Variants in ABI3BP observed in about 807,000 individuals in gnomAD.
ABI3BP encodes ABI family member 3 binding protein, also known as target of Nesh-SH3.
A neutral mutation model predicts 268.6 loss-of-function variants in ABI3BP; 216 were observed. The observed-to-expected ratio is 0.80, with a 90% CI of 0.72 to 0.90. The LOEUF (loss-of-function observed/expected upper bound fraction) is 0.90, where lower values mean the gene tolerates loss of function less well. Among genes scored for constraint, ABI3BP ranks in the 40% least tolerant of loss-of-function variants. ABI3BP has a pLI of 0.00. For missense variants in ABI3BP, 2,090 were observed against 2,182.4 expected, an observed-to-expected ratio of 0.96 and a Z score of 0.84; for synonymous variants, 730 against 730.0, an observed-to-expected ratio of 1.00 and a Z score of 0.00.
chr3:100,942,193 C>T (rs886316852), intron 1 of ABI3BP, among the ~76,000 whole-genome samples: 1 of 152,008 alleles, frequency 6.6e-6, no homozygotes, highest in Non-Finnish European at 1.5e-5. Context: ...CATTCTAGTA[C>T]ATTGGGTAGA....
chr3:100,884,860 G>A (rs1300645926), intron 6 of ABI3BP, among the ~76,000 whole-genome samples: 1 of 152,104 alleles, frequency 6.6e-6, no homozygotes, highest in African/African-American at 2.4e-5. Context: ...CTGGGTATGA[G>A]ATTTGAAATG....
chr3:100,764,053 C>T (rs1033382131), intron 63 of ABI3BP, among the ~76,000 whole-genome samples: 3 of 152,114 alleles, frequency 2.0e-5, no homozygotes, highest in African/African-American at 4.8e-5. Context: ...ATCCACTTAC[C>T]GTTACTCATG....
At chr3:100,777,776 G>A (rs2096749332) in intron 59 of ABI3BP, among the ~76,000 whole-genome samples, 1 of 152,212 alleles carries the variant, frequency 6.6e-6, no homozygotes, top group Admixed American at 6.5e-5. Flanking sequence ...ACATACTCCT[G>A]TACTGTTGCA....
In ABI3BP at chr3:100,868,193, A is replaced by G. The variant is rs1211878825; in HGVS notation, c.911-1237T>C. Reference sequence around the variant, plus strand: ...GGCTATACAGAACTTAGATTTCCCAACTTTGGCACTATTGATATTTGAGGC... The same window carrying G: ...GGCTATACAGAACTTAGATTTCCCAGCTTTGGCACTATTGATATTTGAGGC... On this transcript the variant is annotated intron_variant, in intron 9 of 67. Coordinates refer to ENST00000471714, the MANE Select transcript of ABI3BP (RefSeq NM_001375547.2). Among the ~76,000 whole-genome samples the G allele has an allele frequency of 3.9e-5, 6 of 152,248 alleles. No individual in the cohort carries two copies. The South Asian group carries it at 8.3e-4, about 21-fold the overall frequency.
intron 2 of ABI3BP, among the ~76,000 whole-genome samples, chr3:100,917,570 T>A (rs965941106): frequency 6.6e-6 from 1 of 152,190 alleles, no homozygotes; most frequent in Admixed American, 6.5e-5. Flanking sequence ...ACTTTTGCAA[T>A]GAACCTGGGA....
chr3:100,954,714 C>T (rs1425037290), intron 1 of ABI3BP, among the ~76,000 whole-genome samples: 1 of 152,114 alleles, frequency 6.6e-6, no homozygotes, highest in African/African-American at 2.4e-5. Flanking sequence ...GGTAGATAAT[C>T]TTAGTGTGAA....
rs58342344 is a variant in ABI3BP, at chr3:100,894,938, C to CAAAAAAAAAA, written c.461+3814_461+3823dup. ...TGGGCGACAGAGCGGGATTCCGCTT[C>CAAAAAAAAAA]AAAAAAAAAAAAAAAAAAAAAAAAA... On this transcript the variant is annotated intron_variant, in intron 4 of 67. Transcript: ENST00000471714. 1.9e-3 allele frequency among the ~76,000 whole-genome samples: 72 copies of CAAAAAAAAAA among 37,716 alleles called. 8 individuals carry two copies. Among genetic ancestry groups the CAAAAAAAAAA allele is most frequent in the South Asian group, 4.1e-3 (2 of 486 alleles). The allele number at this position is 37,716 out of a possible 152,430, so 24.7% of individuals were successfully genotyped here.
At chr3:100,755,809 A>G (rs1488102742) in intron 63 of ABI3BP, among the ~76,000 whole-genome samples, 1 of 152,236 alleles carries the variant, frequency 6.6e-6, no homozygotes, top group Admixed American at 6.5e-5. Flanking sequence ...TCAGCTAATA[A>G]TATTTTGAGA....
intron 1 of ABI3BP, among the ~76,000 whole-genome samples, chr3:100,959,444 C>T (rs1050823255): frequency 9.4e-5 from 13 of 138,418 alleles, no homozygotes; most frequent in Admixed American, 3.8e-4. Flanking sequence ...GAGCCGAGAT[C>T]GCGCCACTGC....
rs527272225 is a variant in ABI3BP at position 100,859,836 on chromosome 3, C to T, written c.1285+2475G>A. Among the ~76,000 whole-genome samples, 13 of 152,204 alleles carry T rather than the reference C, an allele frequency of 8.5e-5. 1 individual carries two copies. The South Asian group carries it at 2.5e-3, about 29-fold the overall frequency. ...CTATGGTGCTATAACCAACTACACC[C>T]GATGATTCTTACTGGTACCATGTAA... On this transcript the variant is annotated intron_variant, in intron 14 of 67. Coordinates refer to ENST00000471714, the MANE Select transcript of ABI3BP (RefSeq NM_001375547.2).
chr3:100,836,650 C>A (rs1421280301), intron 27 of ABI3BP, among the ~76,000 whole-genome samples: 2 of 152,142 alleles, frequency 1.3e-5, no homozygotes, highest in African/African-American at 2.4e-5. Context: ...ATGAATTTAG[C>A]AACAGAAAGA....
intron 50 of ABI3BP, among the ~76,000 whole-genome samples, chr3:100,806,913 C>T (rs1384415697): frequency 1.3e-5 from 2 of 152,074 alleles, no homozygotes; most frequent in Non-Finnish European, 2.9e-5. Context: ...TACTATACCG[C>T]ATTTTAGTAA....
chr3:100,830,102 CATACATACATATATATATAT>C (rs1202179749), intron 32 of ABI3BP, among the ~76,000 whole-genome samples: 6 of 56,218 alleles, frequency 1.1e-4, no homozygotes, highest in African/African-American at 5.0e-4. Flanking sequence ...TACATACATA[CATACATACATATATATATAT>C]ATATATATAT....
intron 57 of ABI3BP, 121 bp from the exon 58 acceptor site, chr3:100,780,330 C>T: frequency 3.4e-6 from 3 of 871,562 alleles, no homozygotes; most frequent in Non-Finnish European, 5.3e-6. Flanking sequence ...GTTTTTATGC[C>T]AAGACATTTT....
At chr3:100,795,642 C>T (rs2097323952) in intron 53 of ABI3BP, among the ~76,000 whole-genome samples, 162 bp downstream of exon 53, 1 of 151,956 alleles carries the variant, frequency 6.6e-6, no homozygotes, top group African/African-American at 2.4e-5. Context: ...CATTACAACA[C>T]TGAAATAATT....
At chr3:100,908,920 A>G (rs982870783) in intron 2 of ABI3BP, among the ~76,000 whole-genome samples, 5 of 152,216 alleles carry the variant, frequency 3.3e-5, no homozygotes, top group Admixed American at 2.6e-4. Context: ...TCAATTTCAT[A>G]TGGAATCAAA....
chr3:100,876,531 T>C lies in ABI3BP; in HGVS notation c.726A>G (p.Pro242=), dbSNP rs746731914. ...AATTACCTTGCTTGATGATTGTTATTGGGATTAGTTTCCTTGGGACATATG... is the reference window on the plus strand; with the variant it reads ...AATTACCTTGCTTGATGATTGTTATCGGGATTAGTTTCCTTGGGACATATG... ...VPAYVPRKLI[P]ITIIKQVIQN... is the part of the protein sequence containing the mutation. The change falls in exon 7 of 68, where the codon CCA becomes CCG. Residue 242 remains proline (P), a synonymous_variant. Transcript: ENST00000471714. 2 of 1,613,512 alleles carry C rather than the reference T, an allele frequency of 1.2e-6. No homozygotes were observed. Among genetic ancestry groups the C allele is most frequent in the South Asian group, 2.2e-5 (2 of 91,022 alleles).
intron 6 of ABI3BP, among the ~76,000 whole-genome samples, chr3:100,881,297 A>G (rs755587749): frequency 2.0e-5 from 3 of 152,200 alleles, no homozygotes; most frequent in Non-Finnish European, 2.9e-5. Flanking sequence ...CTCTCTTCAC[A>G]TCAATCATTT....
chr3:100,754,047 A>G (rs1381743541), intron 64 of ABI3BP, among the ~76,000 whole-genome samples, 199 bp from the exon 65 acceptor site: 2 of 152,234 alleles, frequency 1.3e-5, no homozygotes, highest in Non-Finnish European at 1.5e-5. Context: ...CCTGGTAGGT[A>G]TTCAGCTGTA....
Sources: allele counts gnomAD v4.1 joint callset (sites outside exome capture counted in the v4.1 genomes callset), GRCh38; gene constraint gnomAD v4.1.1; transcripts MANE v1.5; gene names NCBI Gene and HGNC (gene_info 2026-07-23, HGNC 2026-07-21).